The following STX2 variants were observed in gnomAD, a reference collection of about 807,000 sequenced individuals.
STX2 encodes syntaxin 2.
A neutral mutation model predicts 40.6 loss-of-function variants in STX2; 27 were observed. That is an observed-to-expected ratio of 0.66 (90% CI 0.49 to 0.92). The LOEUF is 0.92. Among genes scored for constraint, STX2 ranks in the 40% least tolerant of loss-of-function variants. The pLI, the probability that STX2 is intolerant of heterozygous loss-of-function variation, is 0.00. For synonymous variants in STX2, 123 were observed against 119.1 expected (o/e 1.03, Z -0.22); for missense variants, 328 against 366.1 (o/e 0.90, Z 0.85).
At chr12:130,833,373 A>C (rs1045246056) in intron 1 of STX2, among the ~76,000 whole-genome samples, 3 of 150,630 alleles carry the variant, frequency 2.0e-5, no homozygotes, top group African/African-American at 4.9e-5. Flanking sequence ...GGCTGATGGT[A>C]CTACGTGCCC....
At chr12:130,825,448 G>A (rs989265172) in intron 2 of STX2, among the ~76,000 whole-genome samples, 2 of 152,168 alleles carry the variant, frequency 1.3e-5, no homozygotes, top group Non-Finnish European at 1.5e-5. Flanking sequence ...CAAGTAAAAG[G>A]AATAAAATCA....
chr12:130,812,461 T>C (rs1951697800), intron 4 of STX2: 1 of 406,762 alleles, frequency 2.5e-6, no homozygotes, highest in Non-Finnish European at 4.9e-6. Flanking sequence ...AATAAAAGTA[T>C]TTTATCATCT....
At chr12:130,827,291 A>G in intron 1 of STX2, 24 bp from the exon 2 acceptor site, 1 of 1,604,128 alleles carries the variant, frequency 6.2e-7, no homozygotes, top group Non-Finnish European at 8.5e-7. Flanking sequence ...TGGAAAATTC[A>G]GTTTTTTAAA....
chr12:130,807,289 C>A (rs539014677), intron 5 of STX2, among the ~76,000 whole-genome samples, 199 bp from the exon 6 acceptor site: 1 of 152,356 alleles, frequency 6.6e-6, no homozygotes, highest in Admixed American at 6.5e-5. Context: ...TTACAAGACC[C>A]CTACTATGCC....
chr12:130,803,939 C>T (rs1162032596), intron 6 of STX2, among the ~76,000 whole-genome samples: 2 of 152,208 alleles, frequency 1.3e-5, no homozygotes, highest in East Asian at 3.9e-4. Flanking sequence ...ACTCCTCCCC[C>T]TTACTGTGAA....
At chr12:130,799,694 G>C (rs1377617033) in intron 8 of STX2, among the ~76,000 whole-genome samples, 1 of 151,970 alleles carries the variant, frequency 6.6e-6, no homozygotes, top group African/African-American at 2.4e-5. Flanking sequence ...CAAACCTGTG[G>C]TCCCAGCTAC....
Position 130,827,263 on chromosome 12 carries a change from C to T in STX2, c.35G>A (p.Arg12Lys), listed in dbSNP as rs1389883005. 1 of 1,613,196 alleles carries T rather than the reference C, an allele frequency of 6.2e-7. No individual in the cohort carries two copies. The highest frequency in any genetic ancestry group is 8.5e-7 in the Non-Finnish European group (1 of 1,179,456). ...AACTGTGTCTCCATCATCATTCTTC[C>T]TACACTACAATGAAAAATGGAAAAT... ...RDRLPDLTAC[R>K]KNDDGDTVVV... The change falls in exon 2 of 11, where the codon AGG becomes AAG. Residue 12 changes from arginine (R) to lysine (K), a missense_variant. By Grantham distance (26) the Arg-to-Lys change is conservative. Transcript: ENST00000392373.
intron 10 of STX2, 82 bp downstream of exon 10, chr12:130,795,913 T>G: frequency 6.8e-7 from 1 of 1,467,424 alleles, no homozygotes; most frequent in Non-Finnish European, 9.0e-7. Context: ...TTTTATTAGT[T>G]TTATGTCTAT....
chr12:130,812,684 G>T, intron 4 of STX2: 1 of 361,830 alleles, frequency 2.8e-6, no homozygotes. Flanking sequence ...CAATTAAAGG[G>T]TCCATTCAAG....
intron 6 of STX2, among the ~76,000 whole-genome samples, chr12:130,804,378 C>A (rs1951346730): frequency 6.6e-6 from 1 of 152,208 alleles, no homozygotes; most frequent in Non-Finnish European, 1.5e-5. Context: ...ATGACCGATG[C>A]TCGACTCGTG....
chr12:130,836,932 T>A (rs375491153), intron 1 of STX2, among the ~76,000 whole-genome samples: 3 of 152,190 alleles, frequency 2.0e-5, no homozygotes, highest in Admixed American at 6.5e-5. Flanking sequence ...CTGATTGACA[T>A]GTTCTACTGT....
chr12:130,807,992 C>G (rs549003081), intron 5 of STX2, among the ~76,000 whole-genome samples: 1 of 151,906 alleles, frequency 6.6e-6, no homozygotes, highest in Non-Finnish European at 1.5e-5. Context: ...GAATCCATAT[C>G]CCCCCCACCA....
At chr12:130,818,915 C>A (rs1593166589) in intron 3 of STX2, among the ~76,000 whole-genome samples, 1 of 152,326 alleles carries the variant, frequency 6.6e-6, no homozygotes, top group East Asian at 1.9e-4. Flanking sequence ...ACACTTCATG[C>A]TCCTGCAGGG....
At chr12:130,836,344 C>G (rs1210599619) in intron 1 of STX2, among the ~76,000 whole-genome samples, 1 of 152,066 alleles carries the variant, frequency 6.6e-6, no homozygotes, top group Non-Finnish European at 1.5e-5. Context: ...AATCTTGGCT[C>G]ACTGCAACCT....
intron 6 of STX2, among the ~76,000 whole-genome samples, chr12:130,803,481 C>A (rs1292892267): frequency 6.6e-6 from 1 of 151,874 alleles, no homozygotes; most frequent in African/African-American, 2.4e-5. Context: ...TCAGCTTGGG[C>A]AACATAGTGA....
At chr12:130,818,185 A>AAAAAAAAAAAT in intron 3 of STX2, among the ~76,000 whole-genome samples, 5 of 70,588 alleles carry the variant, frequency 7.1e-5, no homozygotes, top group Admixed American at 1.6e-4. Flanking sequence ...AAAAAAAAAA[A>AAAAAAAAAAAT]ATATATATAT....
chr12:130,808,909 C>T (rs762664479), intron 4 of STX2, among the ~76,000 whole-genome samples: 1 of 152,202 alleles, frequency 6.6e-6, no homozygotes, highest in Non-Finnish European at 1.5e-5. Context: ...CTCTATCACC[C>T]GGGCTGCAGT....
chr12:130,816,059 C>T (rs558837395), intron 3 of STX2, among the ~76,000 whole-genome samples: 8 of 152,006 alleles, frequency 5.3e-5, no homozygotes, highest in Admixed American at 1.3e-4. Context: ...TCCTGTGGTG[C>T]GTGAGGCTGA....
At chr12:130,811,196 A>G (rs1168436362) in intron 4 of STX2, among the ~76,000 whole-genome samples, 4 of 151,978 alleles carry the variant, frequency 2.6e-5, no homozygotes, top group African/African-American at 9.7e-5. Flanking sequence ...CATCTCTACT[A>G]AAAATACAAA....
Sources: gnomAD v4.1 joint callset for allele counts (sites outside exome capture counted in the v4.1 genomes callset) on GRCh38, gnomAD v4.1.1 for gene constraint, MANE v1.5 for transcripts, NCBI Gene and HGNC (gene_info 2026-07-23, HGNC 2026-07-21) for gene names.